TG: variants seen among roughly 807,000 people sequenced by gnomAD.
The protein encoded by TG is thyroglobulin.
In TG, 270 loss-of-function variants were observed where a neutral mutation model predicts 324.7. The observed-to-expected ratio is 0.83, with a 90% confidence interval of 0.75 to 0.92. The LOEUF (loss-of-function observed/expected upper bound fraction) is 0.92. Ranked by LOEUF, TG falls within the 40% of genes least tolerant of loss-of-function variation. TG has a pLI of 0.00. For missense variants in TG, 3,591 were observed against 3,456.4 expected, an observed-to-expected ratio of 1.04 and a Z score of -0.98; for synonymous variants, 1,401 against 1,327.0, an observed-to-expected ratio of 1.06 and a Z score of -1.21.
chr8:133,121,746 A>G (rs1851157062), intron 45 of TG, among the ~76,000 whole-genome samples: 2 of 152,188 alleles, frequency 1.3e-5, no homozygotes, highest in African/African-American at 4.8e-5. Context: ...ATTTTGCATA[A>G]AACAGAGACA....
intron 40 of TG, among the ~76,000 whole-genome samples, chr8:133,027,395 C>T (rs1381474877): frequency 6.6e-6 from 1 of 152,194 alleles, no homozygotes; most frequent in Non-Finnish European, 1.5e-5. Context: ...CCTCTGGTGT[C>T]TTGCCCCTGG....
rs779687400 is a variant in TG, at chr8:133,089,210, G to A, written c.7240-5834G>A. On this transcript the variant is annotated intron_variant, in intron 41 of 47. Coordinates refer to ENST00000220616, the MANE Select transcript of TG (RefSeq NM_003235.5). ...CAGTCCATCCCACAGTCAACTAGCC[G>A]AGCCACCATCCTGACATTCATTTCC... 2.4e-3 allele frequency among the ~76,000 whole-genome samples: 361 copies of A among 152,236 alleles called. 5 individuals are homozygous for A. The highest frequency in any genetic ancestry group is 5.0e-4 in the Non-Finnish European group (34 of 68,000).
rs16904777 is a variant in TG, at chr8:132,889,465, G to C, written c.2761+897G>C. ...TGGGTTTTTAAAATGTCGGGTGAAA[G>C]TACCATGTGATGAGAACGGTAATAC... On this transcript the variant is annotated intron_variant, in intron 10 of 47. Transcript: ENST00000220616. 9.1e-3 allele frequency among the ~76,000 whole-genome samples: 1,388 copies of C among 152,282 alleles called. 39 individuals carry two copies. The highest frequency in any genetic ancestry group is 0.087 in the East Asian group (453 of 5,182).
At chr8:132,885,972 T>A (rs902957328) in intron 8 of TG, among the ~76,000 whole-genome samples, 2 of 152,196 alleles carry the variant, frequency 1.3e-5, no homozygotes, top group African/African-American at 2.4e-5. Context: ...GACCTTCTTA[T>A]AAGGACATCA....
At chr8:132,950,607 G>A (rs946197221) in intron 27 of TG, among the ~76,000 whole-genome samples, 1 of 152,190 alleles carries the variant, frequency 6.6e-6, no homozygotes. Context: ...GTTAGGCAGT[G>A]CAGTCAGCAG....
intron 31 of TG, 47 bp from the exon 32 acceptor site, chr8:132,969,411 C>T (rs1315085640): frequency 2.2e-6 from 3 of 1,339,208 alleles, no homozygotes; most frequent in Non-Finnish European, 3.2e-6. Flanking sequence ...ATTTTCATGA[C>T]TACAGCAAAT....
chr8:133,025,735 CT>C (rs1280700151), intron 40 of TG, among the ~76,000 whole-genome samples: 1 of 152,190 alleles, frequency 6.6e-6, no homozygotes, highest in Non-Finnish European at 1.5e-5. Flanking sequence ...TCATCTCTCC[CT>C]TTTTCCAGTT....
intron 45 of TG, among the ~76,000 whole-genome samples, chr8:133,125,332 A>G: frequency 6.6e-6 from 1 of 152,244 alleles, no homozygotes; most frequent in East Asian, 1.9e-4. Context: ...ATGGTCAGTA[A>G]TAAGAAAAGA....
chr8:132,989,091 A>G (rs2130748795), intron 35 of TG, among the ~76,000 whole-genome samples: 1 of 152,324 alleles, frequency 6.6e-6, no homozygotes, highest in East Asian at 1.9e-4. Flanking sequence ...TGCAGGCAAA[A>G]TGCCATTTTT....
At chr8:133,050,774 T>A in intron 41 of TG, 1 of 1,270,840 alleles carries the variant, frequency 7.9e-7, no homozygotes. Flanking sequence ...ACCAAGTTTA[T>A]CCTGCTTTGA....
intron 17 of TG, among the ~76,000 whole-genome samples, chr8:132,907,225 A>G (rs1015807793): frequency 6.6e-6 from 1 of 152,062 alleles, no homozygotes; most frequent in Non-Finnish European, 1.5e-5. Context: ...CAACAGCTGG[A>G]TAGGTGGCTC....
Position 132,923,592 on chromosome 8 carries a change from GA to G in TG, c.4699+85del, listed in dbSNP as rs1245801582. ...GCTTTTTAGAAAGGGAGAGAAGCTG[GA>G]GGTGCATTTGTCTCCAACTTTTTGT... On this transcript the variant is annotated intron_variant, in intron 22 of 47. Transcript: ENST00000220616. The G allele has an allele frequency of 2.0e-6, 3 of 1,475,090 alleles. No homozygotes were observed. The East Asian group carries it at 7.0e-5, about 34-fold the overall frequency. 91.4% of individuals were successfully genotyped at this position (1,475,090 alleles called of 1,614,324 possible).
At chr8:133,081,979 A>G (rs1318166399) in intron 41 of TG, among the ~76,000 whole-genome samples, 1 of 152,252 alleles carries the variant, frequency 6.6e-6, no homozygotes, top group African/African-American at 2.4e-5. Context: ...GGCTGTAGCC[A>G]GGAATGTTGA....
At chr8:132,895,041 T>G (rs1033601148) in intron 11 of TG, among the ~76,000 whole-genome samples, 2 of 152,220 alleles carry the variant, frequency 1.3e-5, no homozygotes, top group African/African-American at 4.8e-5. Flanking sequence ...CTGAGGTCAG[T>G]GCCTAGCTCT....
chr8:132,995,401 A>G, intron 35 of TG: 2 of 985,090 alleles, frequency 2.0e-6, no homozygotes, highest in Non-Finnish European at 2.4e-6. Context: ...CCGCCTTAGG[A>G]GTCTGTCTGT....
intron 34 of TG, among the ~76,000 whole-genome samples, chr8:132,979,386 A>G (rs1830554616): frequency 6.6e-6 from 1 of 152,212 alleles, no homozygotes; most frequent in Non-Finnish European, 1.5e-5. Flanking sequence ...TGCTAAGCAA[A>G]TGTTTTTGGA....
intron 45 of TG, among the ~76,000 whole-genome samples, chr8:133,125,696 T>A (rs1469523422): frequency 6.6e-6 from 1 of 152,148 alleles, no homozygotes; most frequent in Non-Finnish European, 1.5e-5. Context: ...GCTGTGGAGT[T>A]CATAGTTTCC....
intron 2 of TG, among the ~76,000 whole-genome samples, chr8:132,868,568 T>C (rs948296038): frequency 1.3e-5 from 2 of 152,112 alleles, no homozygotes; most frequent in Non-Finnish European, 2.9e-5. Context: ...TGTCAAATGA[T>C]CTGTGCTTTG....
intron 42 of TG, 146 bp downstream of exon 42, chr8:133,095,354 G>T: frequency 8.8e-7 from 1 of 1,138,880 alleles, no homozygotes; most frequent in Non-Finnish European, 1.3e-6. Flanking sequence ...ACATTCCCTA[G>T]CCCCTAGAGC....
Sources: gnomAD v4.1 joint callset for allele counts (sites outside exome capture counted in the v4.1 genomes callset) on GRCh38, gnomAD v4.1.1 for gene constraint, MANE v1.5 for transcripts, NCBI Gene and HGNC (gene_info 2026-07-23, HGNC 2026-07-21) for gene names.